Variants in SLC44A5 observed in about 807,000 individuals in gnomAD.
SLC44A5 encodes the protein choline transporter-like protein 5.
SLC44A5 carries 57 observed loss-of-function variants against 101.8 expected under a neutral mutation model. That is an observed-to-expected ratio of 0.56 (90% CI 0.45 to 0.70). The LOEUF (loss-of-function observed/expected upper bound fraction) is 0.70, where lower values mean the gene tolerates loss of function less well. Among genes scored for constraint, SLC44A5 ranks in the 30% least tolerant of loss-of-function variants. The pLI is 0.00. For missense variants in SLC44A5, 737 were observed against 853.1 expected (o/e 0.86, Z 1.70); for synonymous variants, 281 against 290.9 (o/e 0.97, Z 0.35).
chr1:75,666,485 T>C, the SLC44A5 span, among the ~76,000 whole-genome samples: 1 of 152,096 alleles, frequency 6.6e-6, no homozygotes, highest in African/African-American at 2.4e-5. Flanking sequence ...ACCAGATGGA[T>C]TCACAGCCAA....
At chr1:75,386,607 T>A (rs1557729609) in intron 3 of SLC44A5, among the ~76,000 whole-genome samples, 1 of 152,182 alleles carries the variant, frequency 6.6e-6, no homozygotes. Context: ...GTAGGAAAAG[T>A]CAATATCGTG....
chr1:75,695,644 G>A, the SLC44A5 span, among the ~76,000 whole-genome samples: 1 of 149,810 alleles, frequency 6.7e-6, no homozygotes, highest in Non-Finnish European at 1.5e-5. Context: ...AAACAAATAA[G>A]GTATGTTGTC....
At chr1:75,546,661 T>G (rs887104246) in intron 1 of SLC44A5, among the ~76,000 whole-genome samples, 3 of 152,194 alleles carry the variant, frequency 2.0e-5, no homozygotes, top group African/African-American at 7.2e-5. Flanking sequence ...TTTGTAAAAC[T>G]TTGAAACTTC....
chr1:75,470,902 G>C lies in SLC44A5; in HGVS notation c.13+70533C>G, dbSNP rs560219894. Among the ~76,000 whole-genome samples, 9 of 152,242 alleles carry C rather than the reference G, an allele frequency of 5.9e-5. No individual in the cohort carries two copies. The South Asian group carries it at 1.9e-3, about 32-fold the overall frequency. ...ATGGATAGCTACCAGAGGCATCTGA[G>C]TAACTGTTTCTGCTTTGACTCCCTA... On this transcript the variant is annotated intron_variant, in intron 2 of 23. Coordinates refer to ENST00000370859, the MANE Select transcript of SLC44A5 (RefSeq NM_001130058.2).
At chr1:75,397,045 C>T (rs1283959512) in intron 2 of SLC44A5, among the ~76,000 whole-genome samples, 1 of 152,036 alleles carries the variant, frequency 6.6e-6, no homozygotes, top group Non-Finnish European at 1.5e-5. Context: ...CATTAAATAC[C>T]TTTTATTACA....
chr1:75,469,213 C>A (rs1229970666), intron 2 of SLC44A5, among the ~76,000 whole-genome samples: 1 of 152,162 alleles, frequency 6.6e-6, no homozygotes, highest in Admixed American at 6.5e-5. Flanking sequence ...GAAGGCTGGT[C>A]TGTATTTTAC....
intron 2 of SLC44A5, among the ~76,000 whole-genome samples, chr1:75,458,401 T>C (rs952180994): frequency 6.6e-6 from 1 of 152,172 alleles, no homozygotes; most frequent in South Asian, 2.1e-4. Context: ...ACAGATAATA[T>C]AGAATTACTG....
chr1:75,587,994 A>T (rs181745646), intron 1 of SLC44A5, among the ~76,000 whole-genome samples: 77 of 152,310 alleles, frequency 5.1e-4, no homozygotes, highest in Non-Finnish European at 1.0e-3. Flanking sequence ...AGGCAAGCCA[A>T]TGTGAGAAAC....
rs78752458 is a variant in SLC44A5 at position 75,216,112 on chromosome 1, G to A, written c.1625-255C>T. On this transcript the variant is annotated intron_variant, in intron 18 of 23. Coordinates refer to ENST00000370859, the MANE Select transcript of SLC44A5 (RefSeq NM_001130058.2). The stretch of plus-strand genomic sequence containing the variant: ...AACACAAATTCTATGCCCTTCAACA[G>A]TAACTGCTCATTCCCCTATTCCCCC... 5.8e-3 allele frequency among the ~76,000 whole-genome samples: 880 copies of A among 152,014 alleles called. 11 individuals carry two copies. Among genetic ancestry groups the A allele is most frequent in the African/African-American group, 0.02 (834 of 41,494 alleles).
intron 6 of SLC44A5, among the ~76,000 whole-genome samples, chr1:75,262,089 GAT>G (rs1650565085): frequency 2.0e-5 from 3 of 152,124 alleles, no homozygotes; most frequent in African/African-American, 7.2e-5. Context: ...ACAACACAAG[GAT>G]GCCCTCTCTC....
intron 2 of SLC44A5, among the ~76,000 whole-genome samples, chr1:75,418,637 A>G (rs1451868532): frequency 6.6e-6 from 1 of 152,134 alleles, no homozygotes; most frequent in Non-Finnish European, 1.5e-5. Context: ...GAATGGAGGA[A>G]AGAGTAGTAA....
intron 1 of SLC44A5, among the ~76,000 whole-genome samples, chr1:75,557,664 C>T (rs1478744821): frequency 6.6e-6 from 1 of 152,036 alleles, no homozygotes; most frequent in Non-Finnish European, 1.5e-5. Context: ...TATTTTCAAA[C>T]CACTGGCTAT....
intron 4 of SLC44A5, chr1:75,311,775 A>G (rs1655319136): frequency 6.5e-6 from 1 of 153,534 alleles, no homozygotes; most frequent in Admixed American, 6.5e-5. Context: ...ACTGCTAGGG[A>G]AAAAAACATG....
At chr1:75,422,535 G>A (rs74089238) in intron 2 of SLC44A5, among the ~76,000 whole-genome samples, 14,990 of 152,040 alleles carry the variant, frequency 0.099, 913 homozygotes, top group Admixed American at 0.19. Context: ...GTAAATAATC[G>A]GTATCCTGCA....
At chr1:75,489,890 C>T (rs1668345133) in intron 2 of SLC44A5, among the ~76,000 whole-genome samples, 4 of 152,054 alleles carry the variant, frequency 2.6e-5, no homozygotes, top group Admixed American at 2.6e-4. Flanking sequence ...CTTTACTCAG[C>T]TTCATTACAC....
chr1:75,264,229 A>G (rs990817542), intron 6 of SLC44A5, among the ~76,000 whole-genome samples: 2 of 151,436 alleles, frequency 1.3e-5, no homozygotes, highest in African/African-American at 4.9e-5. Context: ...TTGTGTCTCC[A>G]CATCCCTGGA....
rs557128070 is a variant in SLC44A5 at position 75,433,838 on chromosome 1, T to G, written c.14-37217A>C. Among the ~76,000 whole-genome samples the G allele has an allele frequency of 3.3e-5, 5 of 152,276 alleles. No individual in the cohort carries two copies. In the East Asian group the frequency reaches 7.7e-4, roughly 24 times the overall value. ...GGTTTAATTGATTCACAGTTCCACA[T>G]GGCTGAGGAGGCTTCACAGTCATGG... On this transcript the variant is annotated intron_variant, in intron 2 of 23. Transcript: ENST00000370859.
the SLC44A5 span, among the ~76,000 whole-genome samples, chr1:75,644,004 T>C: frequency 6.6e-6 from 1 of 152,228 alleles, no homozygotes; most frequent in African/African-American, 2.4e-5. Context: ...CACTTGTCTA[T>C]GATAGACAGT....
chr1:75,499,264 A>G (rs995770336), intron 2 of SLC44A5, among the ~76,000 whole-genome samples: 1 of 152,226 alleles, frequency 6.6e-6, no homozygotes, highest in African/African-American at 2.4e-5. Context: ...TGGTAGTTTC[A>G]GGATGAAACT....
Sources: gnomAD v4.1 joint callset for allele counts (sites outside exome capture counted in the v4.1 genomes callset) on GRCh38, gnomAD v4.1.1 for gene constraint, MANE v1.5 for transcripts, NCBI Gene and HGNC (gene_info 2026-07-23, HGNC 2026-07-21) for gene names.